Variants in MAP3K13 observed in about 807,000 individuals in gnomAD.
MAP3K13 encodes mitogen-activated protein kinase kinase kinase 13, also known as leucine zipper-bearing kinase.
Under a neutral mutation model 104.0 loss-of-function variants are expected in MAP3K13, and 52 were observed. The observed-to-expected ratio is 0.50, with a 90% CI of 0.40 to 0.63. The LOEUF is 0.63. MAP3K13 is among the 20% of genes least tolerant of loss of function. MAP3K13 has a pLI of 0.00. For missense variants in MAP3K13, 914 were observed against 1,218.5 expected (o/e 0.75, Z 3.72); for synonymous variants, 394 against 442.2 (o/e 0.89, Z 1.37).
intron 1 of MAP3K13, among the ~76,000 whole-genome samples, chr3:185,421,772 A>G (rs911883338): frequency 5.3e-5 from 8 of 152,198 alleles, no homozygotes; most frequent in Non-Finnish European, 8.8e-5. Flanking sequence ...GTGTTCCCGC[A>G]GTTTCCACCT....
At chr3:185,447,982 C>G (rs111348787) in intron 5 of MAP3K13, 35 bp downstream of exon 5, 16,248 of 1,585,878 alleles carry the variant, frequency 0.01, 112 homozygotes, top group Non-Finnish European at 0.013. Flanking sequence ...AACTAAAAAG[C>G]CTTTTCCCAC....
At chr3:185,393,449 G>A (rs1484783297) in intron 1 of MAP3K13, among the ~76,000 whole-genome samples, 1 of 145,688 alleles carries the variant, frequency 6.9e-6, no homozygotes, top group East Asian at 2.1e-4. Flanking sequence ...TATATTTACA[G>A]AGTTGTAAGT....
intron 3 of MAP3K13, among the ~76,000 whole-genome samples, chr3:185,442,868 C>A (rs1260620625): frequency 2.6e-5 from 4 of 151,950 alleles, no homozygotes; most frequent in Non-Finnish European, 5.9e-5. Context: ...GAGAGGGAGT[C>A]TAACTCTGTT....
intron 3 of MAP3K13, among the ~76,000 whole-genome samples, chr3:185,439,923 T>G (rs1425483478): frequency 6.6e-6 from 1 of 152,188 alleles, no homozygotes; most frequent in Non-Finnish European, 1.5e-5. Context: ...TTGGGCATTG[T>G]GCAGTGTTAT....
intron 1 of MAP3K13, among the ~76,000 whole-genome samples, chr3:185,378,528 G>A (rs1724547881): frequency 6.6e-6 from 1 of 152,158 alleles, no homozygotes; most frequent in Non-Finnish European, 1.5e-5. Flanking sequence ...TGTGAGGAGG[G>A]GAGGTGATAG....
intron 1 of MAP3K13, among the ~76,000 whole-genome samples, chr3:185,392,483 G>A (rs1712120985): frequency 6.6e-6 from 1 of 152,212 alleles, no homozygotes; most frequent in Admixed American, 6.5e-5. Flanking sequence ...TGCATGCAAA[G>A]CAATTGCAAG....
At chr3:185,356,820 G>A (rs865942833) in intron 2 of MAP3K13, among the ~76,000 whole-genome samples, 6 of 152,180 alleles carry the variant, frequency 3.9e-5, no homozygotes, top group Non-Finnish European at 1.5e-5. Context: ...AAAAGTGGGG[G>A]AGAGATATTT....
In MAP3K13 at chr3:185,480,141, AG is replaced by A. The variant is rs573399174; in HGVS notation, c.2502-90del. 2.0e-4 allele frequency: 254 copies of A among 1,270,134 alleles called. 1 individual carries two copies. In the African/African-American group the frequency reaches 3.3e-3, roughly 16 times the overall value. 78.7% of individuals were successfully genotyped at this position (1,270,134 alleles called of 1,614,324 possible). On this transcript the variant is annotated intron_variant, in intron 12 of 13. Transcript: ENST00000265026. ...CCTCCTTGATGGCAGGGAAAAAACT[AG>A]ATTATCTCTACCACTACTATGAGTG... is the stretch of plus-strand genomic sequence containing the variant.
intron 1 of MAP3K13, among the ~76,000 whole-genome samples, chr3:185,420,877 T>C (rs969908708): frequency 1.3e-5 from 2 of 152,238 alleles, no homozygotes; most frequent in Non-Finnish European, 2.9e-5. Context: ...CATTGCATCC[T>C]GGGATCTTGG....
chr3:185,316,102 AT>A (rs1248813437), intron 2 of MAP3K13, among the ~76,000 whole-genome samples: 3 of 152,144 alleles, frequency 2.0e-5, no homozygotes, highest in African/African-American at 7.2e-5. Flanking sequence ...AAAAAAAATT[AT>A]TTTATTGGAA....
chr3:185,305,455 A>C (rs1721259653), intron 2 of MAP3K13, among the ~76,000 whole-genome samples: 1 of 152,188 alleles, frequency 6.6e-6, no homozygotes, highest in Non-Finnish European at 1.5e-5. Context: ...TGTATCTAGT[A>C]ATATAATTTC....
intron 2 of MAP3K13, among the ~76,000 whole-genome samples, chr3:185,351,680 C>G (rs1331692924): frequency 6.6e-6 from 1 of 152,160 alleles, no homozygotes; most frequent in Non-Finnish European, 1.5e-5. Context: ...AACTAATTCT[C>G]AGAATGTCTA....
At chr3:185,402,135 C>T (rs927567001) in intron 1 of MAP3K13, among the ~76,000 whole-genome samples, 7 of 152,108 alleles carry the variant, frequency 4.6e-5, no homozygotes, top group Non-Finnish European at 8.8e-5. Flanking sequence ...GGGAATCTCA[C>T]CTTGGGTGGA....
At chr3:185,382,188 A>G (rs1724757099) in intron 1 of MAP3K13, among the ~76,000 whole-genome samples, 2 of 151,624 alleles carry the variant, frequency 1.3e-5, no homozygotes, top group African/African-American at 4.9e-5. Flanking sequence ...AGTTTAATTT[A>G]TAAATTAGGA....
chr3:185,287,000 A>T (rs1033982455), intron 2 of MAP3K13, among the ~76,000 whole-genome samples: 1 of 152,192 alleles, frequency 6.6e-6, no homozygotes, highest in African/African-American at 2.4e-5. Context: ...TGGACTATTT[A>T]GAAGAAGTAG....
chr3:185,286,991 G>A (rs1720536608), intron 2 of MAP3K13, among the ~76,000 whole-genome samples: 1 of 151,866 alleles, frequency 6.6e-6, no homozygotes, highest in African/African-American at 2.4e-5. Context: ...TATAATACTT[G>A]GACTATTTAG....
chr3:185,428,822 G>C lies in MAP3K13; in HGVS notation c.241G>C (p.Glu81Gln). ...SVSEDSRDQF[E>Q]NSVLQLREHD... Reference sequence around the variant, plus strand: ...AAGTGAGGATTCCAGGGACCAGTTTGAGAACAGCGTTCTTCAGCTAAGGGA... The same window carrying C: ...AAGTGAGGATTCCAGGGACCAGTTTCAGAACAGCGTTCTTCAGCTAAGGGA... The change falls in exon 2 of 14, where the codon GAG (glutamate) becomes CAG (glutamine). Residue 81 changes from glutamate (E) to glutamine (Q), a missense_variant. By Grantham distance (29) the Glu-to-Gln change is conservative. This residue lies in a region of MAP3K13 where 156 missense variants were observed against 159.8 expected (regional missense o/e 0.98). Transcript: ENST00000265026. 6.2e-7 allele frequency: 1 copy of C among 1,614,158 alleles called. No homozygotes were observed. Among genetic ancestry groups the C allele is most frequent in the Non-Finnish European group, 8.5e-7 (1 of 1,180,030 alleles).
At chr3:185,338,832 T>C (rs1008912882) in intron 2 of MAP3K13, among the ~76,000 whole-genome samples, 10 of 152,136 alleles carry the variant, frequency 6.6e-5, no homozygotes, top group South Asian at 4.1e-4. Flanking sequence ...CTATACACCA[T>C]AAAAAGTCAA....
intron 2 of MAP3K13, among the ~76,000 whole-genome samples, chr3:185,330,921 A>C (rs1007650368): frequency 2.6e-5 from 4 of 152,044 alleles, no homozygotes; most frequent in Admixed American, 6.6e-5. Flanking sequence ...CTCTTGCCTT[A>C]GGGCAGCTGC....
Sources: allele counts gnomAD v4.1 joint callset (sites outside exome capture counted in the v4.1 genomes callset), GRCh38; gene constraint gnomAD v4.1.1; regional missense constraint gnomAD v4.1.1; transcripts MANE v1.5; gene names NCBI Gene and HGNC (gene_info 2026-07-23, HGNC 2026-07-21).